UBE2E2: variants seen among roughly 807,000 people sequenced by gnomAD.
UBE2E2 encodes the protein ubiquitin-conjugating enzyme E2 E2.
UBE2E2 carries 6 observed loss-of-function variants against 24.7 expected under a neutral mutation model. The observed-to-expected ratio is 0.24, with a 90% CI of 0.13 to 0.48. The LOEUF is 0.48. UBE2E2 is among the 20% of genes least tolerant of loss of function. The pLI, the probability that UBE2E2 is intolerant of heterozygous loss-of-function variation, is 0.99. For missense variants in UBE2E2, 169 were observed against 245.0 expected (o/e 0.69, Z 2.07); for synonymous variants, 104 against 83.6 (o/e 1.24, Z -1.33).
intron 3 of UBE2E2, among the ~76,000 whole-genome samples, chr3:23,244,290 CAT>C (rs1697329972): frequency 6.6e-6 from 1 of 152,036 alleles, no homozygotes; most frequent in Non-Finnish European, 1.5e-5. Context: ...ATGTTGTCAC[CAT>C]ATGTTTGCAG....
intron 3 of UBE2E2, among the ~76,000 whole-genome samples, chr3:23,273,430 C>A (rs1390479349): frequency 6.6e-6 from 1 of 151,608 alleles, no homozygotes; most frequent in Non-Finnish European, 1.5e-5. Context: ...ACTTGGGAGG[C>A]TGAGGCAGGA....
At position 23,556,508 on chromosome 3, in the gene UBE2E2, A is replaced by C. The variant is rs115970139; in HGVS notation, c.508+23807A>C. Among the ~76,000 whole-genome samples the C allele has an allele frequency of 1.0e-3, 157 of 150,802 alleles. 2 individuals carry two copies. The highest frequency in any genetic ancestry group is 3.7e-3 in the African/African-American group (151 of 41,220). ...ACAAGATAGGGCCACCTCAAAAGTA[A>C]ACGTGAAAAGAAAGATTAGAATCAT... is the stretch of plus-strand genomic sequence containing the variant. On this transcript the variant is annotated intron_variant, in intron 5 of 5. Transcript: ENST00000396703.
At chr3:23,346,399 T>A (rs1305565832) in intron 3 of UBE2E2, among the ~76,000 whole-genome samples, 1 of 152,200 alleles carries the variant, frequency 6.6e-6, no homozygotes, top group African/African-American at 2.4e-5. Flanking sequence ...CACACACAGG[T>A]TGAAGATGAC....
chr3:23,369,826 A>G (rs138798552), intron 3 of UBE2E2, among the ~76,000 whole-genome samples: 5 of 152,328 alleles, frequency 3.3e-5, no homozygotes, highest in African/African-American at 1.2e-4. Context: ...ATGATGTTTT[A>G]TAATTCTGGT....
chr3:23,216,826 T>C (rs1243916084), intron 2 of UBE2E2, among the ~76,000 whole-genome samples: 2 of 152,140 alleles, frequency 1.3e-5, no homozygotes, highest in Non-Finnish European at 2.9e-5. Context: ...TGCATCTTGA[T>C]GGCAGTTTCA....
At chr3:23,404,364 A>G (rs1203464940) in intron 3 of UBE2E2, among the ~76,000 whole-genome samples, 1 of 152,206 alleles carries the variant, frequency 6.6e-6, no homozygotes, top group Non-Finnish European at 1.5e-5. Flanking sequence ...TCATTCATCA[A>G]AAATAAATGT....
At chr3:23,433,606 G>A (rs1269866297) in intron 3 of UBE2E2, among the ~76,000 whole-genome samples, 1 of 151,436 alleles carries the variant, frequency 6.6e-6, no homozygotes, top group African/African-American at 2.4e-5. Context: ...ATATTTAAAC[G>A]TTGAAAATGC....
chr3:23,447,868 G>A (rs1173829052), intron 3 of UBE2E2, among the ~76,000 whole-genome samples: 3 of 152,126 alleles, frequency 2.0e-5, no homozygotes, highest in Non-Finnish European at 4.4e-5. Flanking sequence ...GTATTACATG[G>A]TTGTCTTCAG....
At chr3:23,457,626 GCTC>G (rs1430967400) in intron 3 of UBE2E2, among the ~76,000 whole-genome samples, 2 of 152,058 alleles carry the variant, frequency 1.3e-5, no homozygotes, top group African/African-American at 4.8e-5. Context: ...CCAGGCTCAA[GCTC>G]CTCAGCCTCT....
At chr3:23,451,911 A>G (rs930148485) in intron 3 of UBE2E2, among the ~76,000 whole-genome samples, 3 of 152,198 alleles carry the variant, frequency 2.0e-5, no homozygotes, top group African/African-American at 7.2e-5. Flanking sequence ...TCATAAAGAT[A>G]AATTTTTATC....
rs763248951 is a variant in UBE2E2 at position 23,513,047 on chromosome 3, C to CT, written c.360+13308dup. Among the ~76,000 whole-genome samples the CT allele has an allele frequency of 3.3e-5, 5 of 152,262 alleles. No homozygotes were observed. The East Asian group carries it at 7.7e-4, about 23-fold the overall frequency. Reference sequence around the variant, plus strand: ...CTTGGCCACTAATGCATTTTAAACTCTATCTCTGTGGATAAAACATTACAG... The same window carrying CT: ...CTTGGCCACTAATGCATTTTAAACTCTTATCTCTGTGGATAAAACATTACAG... On this transcript the variant is annotated intron_variant, in intron 4 of 5. Coordinates refer to ENST00000396703, the MANE Select transcript of UBE2E2 (RefSeq NM_152653.4).
At chr3:23,386,232 C>T (rs1696801580) in intron 3 of UBE2E2, among the ~76,000 whole-genome samples, 2 of 151,896 alleles carry the variant, frequency 1.3e-5, no homozygotes, top group South Asian at 4.2e-4. Flanking sequence ...AAGATTGAGG[C>T]ACTGGCAGAT....
chr3:23,207,780 G>A (rs1441122110), intron 1 of UBE2E2, among the ~76,000 whole-genome samples: 1 of 152,170 alleles, frequency 6.6e-6, no homozygotes, highest in Non-Finnish European at 1.5e-5. Context: ...CTGGTAGAGA[G>A]TAGACCCTTA....
At chr3:23,250,784 A>G (rs1035229171) in intron 3 of UBE2E2, among the ~76,000 whole-genome samples, 1 of 152,140 alleles carries the variant, frequency 6.6e-6, no homozygotes, top group East Asian at 1.9e-4. Context: ...TTGGAGTTAT[A>G]TGTCACTTCA....
intron 3 of UBE2E2, among the ~76,000 whole-genome samples, chr3:23,365,709 G>T (rs1248799210): frequency 6.6e-6 from 1 of 152,102 alleles, no homozygotes; most frequent in Non-Finnish European, 1.5e-5. Context: ...TACAGATTCA[G>T]TGCCATTCCT....
At chr3:23,203,216 A>T (rs1414269450), upstream of UBE2E2, 1 of 986,546 alleles carries the variant, frequency 1.0e-6, no homozygotes, top group Non-Finnish European at 1.2e-6. Flanking sequence ...CAGCCTCAGG[A>T]GCCGGAGCTG....
intron 1 of UBE2E2, among the ~76,000 whole-genome samples, chr3:23,205,180 T>A (rs1696114178): frequency 6.6e-6 from 1 of 152,204 alleles, no homozygotes; most frequent in Admixed American, 6.5e-5. Flanking sequence ...ATTTTATGGT[T>A]AAAAATTAAA....
At chr3:23,588,172 C>T (rs184223061) in intron 5 of UBE2E2, among the ~76,000 whole-genome samples, 281 of 152,078 alleles carry the variant, frequency 1.8e-3, no homozygotes, top group African/African-American at 5.9e-3. Context: ...TCCATATTCT[C>T]TACTATTTTT....
At chr3:23,569,360 G>A (rs1696169018) in intron 5 of UBE2E2, among the ~76,000 whole-genome samples, 1 of 152,174 alleles carries the variant, frequency 6.6e-6, no homozygotes, top group African/African-American at 2.4e-5. Flanking sequence ...AATGGGTACA[G>A]GGTTTCTTTT....
Sources: gnomAD v4.1 joint callset for allele counts (sites outside exome capture counted in the v4.1 genomes callset) on GRCh38, gnomAD v4.1.1 for gene constraint, MANE v1.5 for transcripts, NCBI Gene and HGNC (gene_info 2026-07-23, HGNC 2026-07-21) for gene names.